The following NTRK2 variants were observed in gnomAD, a reference collection of about 807,000 sequenced individuals.
NTRK2 encodes neurotrophic receptor tyrosine kinase 2.
A neutral mutation model predicts 94.5 loss-of-function variants in NTRK2; 13 were observed. The observed-to-expected ratio is 0.14, with a 90% CI of 0.09 to 0.22. The LOEUF (loss-of-function observed/expected upper bound fraction) is 0.22, where lower values mean the gene tolerates loss of function less well. Among genes scored for constraint, NTRK2 ranks in the 10% least tolerant of loss-of-function variants. The probability of loss-of-function intolerance (pLI) is 1.00; values close to 1 mark genes in which losing one functional copy is unlikely to be tolerated. For synonymous variants in NTRK2, 372 were observed against 407.4 expected (o/e 0.91, Z 1.05); for missense variants, 639 against 1,071.2 (o/e 0.60, Z 5.63).
intron 12 of NTRK2, among the ~76,000 whole-genome samples, chr9:84,842,021 A>G (rs2074213546): frequency 6.6e-6 from 1 of 152,210 alleles, no homozygotes; most frequent in South Asian, 2.1e-4. Context: ...TAGACAAAAC[A>G]TTGAAGCAAC....
chr9:84,672,698 A>G (rs2058774920), intron 2 of NTRK2, among the ~76,000 whole-genome samples: 1 of 152,158 alleles, frequency 6.6e-6, no homozygotes, highest in South Asian at 2.1e-4. Flanking sequence ...TCTGTTTGAT[A>G]ATTTTAAGGC....
intron 17 of NTRK2, among the ~76,000 whole-genome samples, chr9:84,995,354 C>T (rs1829621865): frequency 6.6e-6 from 1 of 152,064 alleles, no homozygotes; most frequent in African/African-American, 2.4e-5. Flanking sequence ...CTTTTTATCC[C>T]TTGGTGGGGT....
intron 15 of NTRK2, among the ~76,000 whole-genome samples, chr9:84,940,029 A>T (rs1041720628): frequency 2.0e-5 from 3 of 152,174 alleles, no homozygotes; most frequent in Non-Finnish European, 2.9e-5. Context: ...CTATTGGCTT[A>T]TCTTGGGCTG....
At chr9:84,703,576 C>T (rs936322660) in intron 4 of NTRK2, among the ~76,000 whole-genome samples, 1 of 152,010 alleles carries the variant, frequency 6.6e-6, no homozygotes, top group Admixed American at 6.5e-5. Flanking sequence ...GATTTCCATG[C>T]CAGTTATAAA....
At chr9:84,791,869 C>A (rs2068771763) in intron 12 of NTRK2, among the ~76,000 whole-genome samples, 1 of 152,008 alleles carries the variant, frequency 6.6e-6, no homozygotes, top group Non-Finnish European at 1.5e-5. Flanking sequence ...ACAGACGAGG[C>A]CACTGGGAAT....
chr9:84,805,991 T>C (rs1304188023), intron 12 of NTRK2, among the ~76,000 whole-genome samples: 1 of 152,250 alleles, frequency 6.6e-6, no homozygotes, highest in African/African-American at 2.4e-5. Context: ...ATTCCTTTTC[T>C]TTATAAATTA....
At chr9:84,969,400 G>A (rs1442187961) in intron 17 of NTRK2, among the ~76,000 whole-genome samples, 1 of 152,236 alleles carries the variant, frequency 6.6e-6, no homozygotes, top group African/African-American at 2.4e-5. Context: ...AGCTCAATTT[G>A]CATAGCTCAG....
Position 84,802,062 on chromosome 9 carries a change from A to G in NTRK2, c.1396+49977A>G, listed in dbSNP as rs143168717. On this transcript the variant is annotated intron_variant, in intron 12 of 18. Transcript: ENST00000277120. ...ATGAAGTAGATCGCCTTTTCCTTTTAATCACTTTGACTTAGCCAACAACTT... is the reference window on the plus strand; with the variant it reads ...ATGAAGTAGATCGCCTTTTCCTTTTGATCACTTTGACTTAGCCAACAACTT... Among the ~76,000 whole-genome samples, 338 of 152,326 alleles carry G rather than the reference A, an allele frequency of 2.2e-3. 3 individuals are homozygous for G. Among genetic ancestry groups the G allele is most frequent in the African/African-American group, 7.8e-3 (325 of 41,576 alleles).
intron 12 of NTRK2, among the ~76,000 whole-genome samples, chr9:84,761,925 G>A (rs1254481623): frequency 6.6e-6 from 1 of 152,166 alleles, no homozygotes; most frequent in Non-Finnish European, 1.5e-5. Context: ...TAATTCTCAT[G>A]TGTCTTGAAA....
At chr9:84,953,276 A>G (rs1235222301) in intron 16 of NTRK2, among the ~76,000 whole-genome samples, 1 of 152,220 alleles carries the variant, frequency 6.6e-6, no homozygotes, top group African/African-American at 2.4e-5. Flanking sequence ...TCACCTGTCA[A>G]TTTCATTTTT....
At position 85,012,552 on chromosome 9, in the gene NTRK2, A is replaced by C. The variant is rs76774064; in HGVS notation, c.2173-7654A>C. 5.7e-3 allele frequency among the ~76,000 whole-genome samples: 867 copies of C among 152,322 alleles called. 24 individuals are homozygous for C. Among genetic ancestry groups the C allele is most frequent in the East Asian group, 0.039 (201 of 5,182 alleles). Reference sequence around the variant, plus strand: ...GGGTTTTGAGTCTGGCTTCTTCCAAAGAAAGACATTTTTCTAATATCTACT... The same window carrying C: ...GGGTTTTGAGTCTGGCTTCTTCCAACGAAAGACATTTTTCTAATATCTACT... On this transcript the variant is annotated intron_variant, in intron 17 of 18. Transcript: ENST00000277120.
At chr9:84,814,466 C>T in intron 12 of NTRK2, 1 of 1,065,848 alleles carries the variant, frequency 9.4e-7, no homozygotes, top group African/African-American at 1.6e-5. Context: ...CTCTAGTATT[C>T]TAAACTGACC....
chr9:84,683,634 A>C (rs2059528497), intron 2 of NTRK2, among the ~76,000 whole-genome samples: 1 of 152,200 alleles, frequency 6.6e-6, no homozygotes, highest in African/African-American at 2.4e-5. Context: ...TATTGTAAAT[A>C]GTGCCGCAAT....
intron 14 of NTRK2, among the ~76,000 whole-genome samples, chr9:84,922,278 G>A (rs181645029): frequency 7.9e-5 from 12 of 152,258 alleles, no homozygotes; most frequent in East Asian, 1.9e-4. Flanking sequence ...GTCCAACAAC[G>A]TTCTCTTTCC....
chr9:84,793,389 C>A (rs1385685609), intron 12 of NTRK2, among the ~76,000 whole-genome samples: 1 of 152,028 alleles, frequency 6.6e-6, no homozygotes, highest in Admixed American at 6.6e-5. Flanking sequence ...GTCGGCATAA[C>A]CTAAATTGCA....
chr9:84,800,837 A>G (rs905559100), intron 12 of NTRK2, among the ~76,000 whole-genome samples: 1 of 152,104 alleles, frequency 6.6e-6, no homozygotes, highest in African/African-American at 2.4e-5. Flanking sequence ...CCAGGAACCT[A>G]AAGACTTCTT....
intron 14 of NTRK2, among the ~76,000 whole-genome samples, chr9:84,899,670 T>C (rs888845398): frequency 2.0e-5 from 3 of 152,112 alleles, no homozygotes; most frequent in African/African-American, 7.2e-5. Flanking sequence ...TAGGTGAAAA[T>C]TGTGTTTCCT....
chr9:84,822,001 C>G (rs1240017951), intron 12 of NTRK2, among the ~76,000 whole-genome samples: 1 of 152,170 alleles, frequency 6.6e-6, no homozygotes, highest in East Asian at 1.9e-4. Context: ...CAGAGAGTGA[C>G]AACCTGTGTT....
intron 12 of NTRK2, among the ~76,000 whole-genome samples, chr9:84,769,373 T>C (rs962414392): frequency 1.3e-5 from 2 of 152,206 alleles, no homozygotes; most frequent in African/African-American, 2.4e-5. Flanking sequence ...GCTGTCTCCA[T>C]TGAGTCCCTG....
Sources: gnomAD v4.1 joint callset for allele counts (sites outside exome capture counted in the v4.1 genomes callset) on GRCh38, gnomAD v4.1.1 for gene constraint, MANE v1.5 for transcripts, NCBI Gene and HGNC (gene_info 2026-07-23, HGNC 2026-07-21) for gene names.